Variants in NTMT1 observed in about 807,000 individuals in gnomAD.
NTMT1 encodes the protein N-terminal RCC1 methyltransferase.
In NTMT1, 8 loss-of-function variants were observed where a neutral mutation model predicts 17.5. That is an observed-to-expected ratio of 0.46 (90% confidence interval 0.27 to 0.82). NTMT1 has a LOEUF of 0.82. Among genes scored for constraint, NTMT1 ranks in the 40% least tolerant of loss-of-function variants. The probability of loss-of-function intolerance (pLI) is 0.15; values close to 1 mark genes in which losing one functional copy is unlikely to be tolerated. For synonymous variants in NTMT1, 128 were observed against 126.8 expected, an observed-to-expected ratio of 1.01 and a Z score of -0.06; for missense variants, 221 against 303.5, an observed-to-expected ratio of 0.73 and a Z score of 2.02.
chr9:129,632,780 C>G lies in NTMT1; in HGVS notation c.77C>G (p.Thr26Arg). Residue 26 changes from threonine (T) to arginine (R), a missense_variant, in exon 2 of 4, where the codon ACG becomes AGG. Thr to Arg is a moderately conservative substitution (Grantham distance 71). Coordinates refer to ENST00000372483, the MANE Select transcript of NTMT1 (RefSeq NM_014064.4). The part of the protein sequence containing the change: ...AKTYWKQIPP[T>R]VDGMLGGYGH... ...ACCTACTGGAAACAAATCCCACCCA[C>G]GGTGGACGGCATGCTTGGGGGGTAT... 6.2e-7 allele frequency: 1 copy of G among 1,614,172 alleles called. No homozygotes were observed. The highest frequency in any genetic ancestry group is 8.5e-7 in the Non-Finnish European group (1 of 1,180,002).
chr9:129,629,603 G>C (rs1166571638), intron 1 of NTMT1, among the ~76,000 whole-genome samples: 1 of 152,172 alleles, frequency 6.6e-6, no homozygotes, highest in East Asian at 1.9e-4. Flanking sequence ...GTTGTTCCCA[G>C]TGCTGGGACA....
rs752630755 is a variant in NTMT1 at position 129,613,062 on chromosome 9, G to A, written c.-55+3884G>A. On this transcript the variant is annotated intron_variant, in intron 1 of 3. Transcript: ENST00000372486. The surrounding 1 kb of genome is among the most constrained non-coding windows in gnomAD (Gnocchi z 6.2). ...CTGCTCCCGGAGCCAGCTGCCAGCA[G>A]GGGCTCACCAGCTTCTAGGTCCAGG... 1 of 1,610,592 alleles carries A rather than the reference G, an allele frequency of 6.2e-7. No homozygotes were observed. Among genetic ancestry groups the A allele is most frequent in the Non-Finnish European group, 8.5e-7 (1 of 1,179,404 alleles).
intron 1 of NTMT1, among the ~76,000 whole-genome samples, chr9:129,610,359 C>T (rs1159532826): frequency 1.3e-5 from 2 of 149,582 alleles, no homozygotes; most frequent in African/African-American, 4.9e-5. Flanking sequence ...TCCGGGGTCG[C>T]GGGGGCGCCG....
chr9:129,634,671 T>C (rs748587071), intron 3 of NTMT1: 2 of 235,926 alleles, frequency 8.5e-6, no homozygotes, highest in South Asian at 7.1e-5. Context: ...CCCTGCACCC[T>C]CTTAGCCTAA....
chr9:129,626,948 C>T (rs1830929459), intron 1 of NTMT1, among the ~76,000 whole-genome samples: 1 of 152,184 alleles, frequency 6.6e-6, no homozygotes, highest in Non-Finnish European at 1.5e-5. Context: ...TGTCAGAGGC[C>T]CTGACAGCGG....
chr9:129,626,905 C>T (rs1477564739), intron 1 of NTMT1, among the ~76,000 whole-genome samples: 1 of 152,218 alleles, frequency 6.6e-6, no homozygotes, highest in African/African-American at 2.4e-5. Context: ...ACTTTGGTTT[C>T]TCCTCTGTAC....
At chr9:129,628,547 C>T (rs1220654198) in intron 1 of NTMT1, 1 of 152,170 alleles carries the variant, frequency 6.6e-6, no homozygotes, top group Non-Finnish European at 1.5e-5. Context: ...GTAGGATTTT[C>T]TTAGAGTGGA....
Position 129,635,366 on chromosome 9 carries a change from A to G in NTMT1, c.574A>G (p.Arg192Gly), listed in dbSNP as rs755511942. The G allele has an allele frequency of 9.3e-6, 15 of 1,613,702 alleles. No homozygotes were observed. Among genetic ancestry groups the G allele is most frequent in the African/African-American group, 1.3e-5 (1 of 74,954 alleles). Residue 192 changes from arginine to glycine, a missense_variant, in exon 4 of 4, where the codon AGG (arginine) becomes GGG (glycine). Coordinates refer to ENST00000372483, the MANE Select transcript of NTMT1 (RefSeq NM_014064.4). ...SVCRDLDVVR[R>G]IICSAGLSLL... ...GTGCCGGGACCTTGACGTGGTCCGC[A>G]GGATCATCTGCAGTGCAGGCCTCAG...
At chr9:129,615,574 G>A in intron 1 of NTMT1, 1 of 1,608,490 alleles carries the variant, frequency 6.2e-7, no homozygotes, top group African/African-American at 1.3e-5. Flanking sequence ...TGCCTGCAGG[G>A]CCTAGAGCCT....
rs75121682 is a variant in NTMT1, at chr9:129,619,654, C to G, written c.-55+10476C>G. The G allele has an allele frequency of 4.7e-3, 7,560 of 1,613,548 alleles. 184 individuals are homozygous for G. The East Asian group carries it at 0.075, about 16-fold the overall frequency. On this transcript the variant is annotated intron_variant, in intron 1 of 3. Coordinates refer to the NTMT1 transcript ENST00000372486. The stretch of plus-strand genomic sequence containing the variant: ...ACTGGCCCCTTAAAGACAAACAGGC[C>G]ACATCTGGCATGAGTGGCCAGGCTG...
At position 129,620,440 on chromosome 9, in the gene NTMT1, G is replaced by T. The variant is rs372378735; in HGVS notation, c.-55+11262G>T. 1,806 of 1,294,646 alleles carry T rather than the reference G, an allele frequency of 1.4e-3. 27 individuals are homozygous for T. The African/African-American group carries it at 0.025, about 18-fold the overall frequency. 80.2% of individuals were successfully genotyped at this position (1,294,646 alleles called of 1,614,324 possible). A position where few individuals can be genotyped will look rare whatever the true frequency, so the allele number is the denominator to read the frequency against. ...TCCTCCAGTCCCCGGAGCCCCGCGC[G>T]CCCAGAGCCGCTCGGAGCGCGGGCG... On this transcript the variant is annotated intron_variant, in intron 1 of 3. Transcript: ENST00000372486. The surrounding 1 kb of genome is among the most constrained non-coding windows in gnomAD (Gnocchi z 5.8).
At chr9:129,627,362 A>G (rs12344193) in intron 1 of NTMT1, among the ~76,000 whole-genome samples, 6,563 of 152,300 alleles carry the variant, frequency 0.043, 189 homozygotes, top group Non-Finnish European at 0.068. Context: ...GGTGTGTCCA[A>G]TACAGCTTCT....
chr9:129,620,423 TC>T lies in NTMT1; in HGVS notation c.-55+11249del. The T allele has an allele frequency of 1.6e-6, 2 of 1,253,450 alleles. No homozygotes were observed. The highest frequency in any genetic ancestry group is 3.1e-5 in the South Asian group (1 of 32,584). 77.6% of individuals were successfully genotyped at this position (1,253,450 alleles called of 1,614,324 possible). Reference sequence around the variant, plus strand: ...GGCGCCGCCCCCCGGGATCCTCCAGTCCCCGGAGCCCCGCGCGCCCAGAGCC... The same window carrying T: ...GGCGCCGCCCCCCGGGATCCTCCAGTCCCGGAGCCCCGCGCGCCCAGAGCC... On this transcript the variant is annotated intron_variant, in intron 1 of 3. Coordinates refer to the NTMT1 transcript ENST00000372486. This position sits in a 1 kb window ranked among gnomAD's most constrained non-coding sequence, Gnocchi z 5.8.
intron 1 of NTMT1, among the ~76,000 whole-genome samples, chr9:129,626,926 T>C (rs778385813): frequency 8.5e-5 from 13 of 152,200 alleles, no homozygotes; most frequent in Non-Finnish European, 1.6e-4. Flanking sequence ...TATAAGTGAT[T>C]GCCACAACTG....
At chr9:129,621,141 C>T (rs1056658933) in intron 1 of NTMT1, among the ~76,000 whole-genome samples, 1 of 152,222 alleles carries the variant, frequency 6.6e-6, no homozygotes, top group Non-Finnish European at 1.5e-5. Flanking sequence ...AAGCGTGGAA[C>T]TGTTACCGTC....
intron 1 of NTMT1, among the ~76,000 whole-genome samples, chr9:129,616,926 T>G (rs1482760381): frequency 1.3e-5 from 2 of 151,960 alleles, no homozygotes; most frequent in Non-Finnish European, 2.9e-5. Context: ...ACAAAAAAAT[T>G]AGCTGGGCAC....
At chr9:129,621,198 A>G (rs1041636490), upstream of NTMT1, among the ~76,000 whole-genome samples, 3 of 152,246 alleles carry the variant, frequency 2.0e-5, no homozygotes, top group African/African-American at 7.2e-5. Flanking sequence ...AGCTTGAGGG[A>G]AGAGAGACCT....
intron 3 of NTMT1, 139 bp downstream of exon 3, chr9:129,634,445 C>G (rs1831393760): frequency 2.2e-6 from 2 of 898,160 alleles, no homozygotes; most frequent in East Asian, 2.7e-5. Flanking sequence ...AGGCCCACCC[C>G]CACCCCGTAC....
intron 1 of NTMT1, among the ~76,000 whole-genome samples, chr9:129,630,976 C>T (rs963226734): frequency 1.3e-5 from 2 of 152,184 alleles, no homozygotes; most frequent in African/African-American, 4.8e-5. Context: ...GAGTTGGTGC[C>T]CAGCATGCAC....
Sources: allele counts gnomAD v4.1 joint callset (sites outside exome capture counted in the v4.1 genomes callset), GRCh38; gene constraint gnomAD v4.1.1; non-coding constraint Gnocchi (gnomAD v3.1); transcripts MANE v1.5; gene names NCBI Gene and HGNC (gene_info 2026-07-23, HGNC 2026-07-21).